Variants in LRRK2 observed in about 807,000 individuals in gnomAD.
LRRK2 encodes leucine rich repeat kinase 2.
Under a neutral mutation model 302.6 loss-of-function variants are expected in LRRK2, and 203 were observed. The observed-to-expected ratio is 0.67, with a 90% CI of 0.60 to 0.75. The LOEUF (loss-of-function observed/expected upper bound fraction) is 0.75. Among genes scored for constraint, LRRK2 ranks in the 30% least tolerant of loss-of-function variants. LRRK2 has a pLI of 0.00. For synonymous variants in LRRK2, 1,066 were observed against 1,031.9 expected (o/e 1.03, Z -0.63); for missense variants, 2,830 against 2,951.0 (o/e 0.96, Z 0.95).
At chr12:40,294,812 A>G in intron 21 of LRRK2, 33 bp from the exon 22 acceptor site, 1 of 1,213,884 alleles carries the variant, frequency 8.2e-7, no homozygotes, top group Non-Finnish European at 1.2e-6. Context: ...CCAATAAATG[A>G]CAGCAATTTT....
At chr12:40,275,530 T>C (rs913011340) in intron 16 of LRRK2, among the ~76,000 whole-genome samples, 2 of 152,332 alleles carry the variant, frequency 1.3e-5, no homozygotes, top group African/African-American at 2.4e-5. Context: ...TTTTGTTTTT[T>C]AATTGTAGCA....
chr12:40,345,029 C>T (rs1946151282), intron 41 of LRRK2, among the ~76,000 whole-genome samples: 1 of 152,126 alleles, frequency 6.6e-6, no homozygotes, highest in Admixed American at 6.5e-5. Flanking sequence ...GACTGCTGAG[C>T]TCCATCTTTT....
At chr12:40,304,156 A>T in intron 27 of LRRK2, 22 bp downstream of exon 27, 1 of 1,603,692 alleles carries the variant, frequency 6.2e-7, no homozygotes, top group Non-Finnish European at 8.5e-7. Flanking sequence ...ATTGCCACTT[A>T]AAAAATATAC....
intron 6 of LRRK2, 72 bp downstream of exon 6, chr12:40,240,689 T>G: frequency 1.4e-6 from 2 of 1,395,176 alleles, no homozygotes; most frequent in Non-Finnish European, 2.0e-6. Context: ...TGAGTATATT[T>G]TAACAATATT....
chr12:40,249,748 A>T, intron 7 of LRRK2, 78 bp from the exon 8 acceptor site: 1 of 1,467,870 alleles, frequency 6.8e-7, no homozygotes, highest in Non-Finnish European at 9.5e-7. Context: ...AAAATTATTG[A>T]TGTAAATAGT....
intron 47 of LRRK2, among the ~76,000 whole-genome samples, chr12:40,362,401 A>G (rs1390578751): frequency 6.6e-6 from 1 of 152,056 alleles, no homozygotes; most frequent in Non-Finnish European, 1.5e-5. Flanking sequence ...TTGTTCATTC[A>G]TACTGTAGTG....
chr12:40,335,506 C>A (rs1164656062), intron 40 of LRRK2, among the ~76,000 whole-genome samples: 1 of 152,116 alleles, frequency 6.6e-6, no homozygotes, highest in Admixed American at 6.5e-5. Context: ...AAAGATGAGT[C>A]CATACTTCTC....
rs1204166575 is a variant in LRRK2 at position 40,225,092 on chromosome 12, T to C, written c.-40T>C. On this transcript the variant is annotated 5_prime_UTR_variant, in exon 1 of 51. Coordinates refer to ENST00000298910, the MANE Select transcript of LRRK2 (RefSeq NM_198578.4). Reference sequence around the variant, plus strand: ...CTGCCGGTTCCCTGAGCAGCGGACGTTCATGCTGGGAGGGCGGCGGGTTGG... The same window carrying C: ...CTGCCGGTTCCCTGAGCAGCGGACGCTCATGCTGGGAGGGCGGCGGGTTGG... The C allele has an allele frequency of 1.2e-6, 2 of 1,611,830 alleles. No homozygotes were observed. Among genetic ancestry groups the C allele is most frequent in the Non-Finnish European group, 1.7e-6 (2 of 1,179,698 alleles).
intron 42 of LRRK2, 52 bp from the exon 43 acceptor site, chr12:40,348,357 T>A (rs1946257581): frequency 8.1e-7 from 1 of 1,237,944 alleles, no homozygotes; most frequent in South Asian, 1.2e-5. Flanking sequence ...AGAGGAAATA[T>A]AACCATTCTT....
chr12:40,334,858 C>A, intron 39 of LRRK2, 109 bp from the exon 40 acceptor site: 1 of 1,216,556 alleles, frequency 8.2e-7, no homozygotes, highest in Non-Finnish European at 1.2e-6. Context: ...TGCTATGATC[C>A]AGTCATACAG....
intron 45 of LRRK2, among the ~76,000 whole-genome samples, chr12:40,355,522 T>TCCCC (rs1946503429): frequency 4.2e-5 from 1 of 23,794 alleles, no homozygotes; most frequent in Non-Finnish European, 1.0e-4. Flanking sequence ...CCTCCCTCCC[T>TCCCC]CCCTCCCTTC....
Position 40,365,190 on chromosome 12 carries a change from G to T in LRRK2, c.7390+140G>T. 3 of 746,572 alleles carry T rather than the reference G, an allele frequency of 4.0e-6. No homozygotes were observed. In the South Asian group the frequency reaches 5.1e-5, roughly 13 times the overall value. The allele number at this position is 746,572 out of a possible 1,614,324, so 46.2% of individuals were successfully genotyped here. ...GGTCACACAGTGAAACATAAGACTG[G>T]TATAAATTGTGAATAGGGTCATTAC... On this transcript the variant is annotated intron_variant, in intron 49 of 50. Coordinates refer to ENST00000298910, the MANE Select transcript of LRRK2 (RefSeq NM_198578.4).
intron 20 of LRRK2, among the ~76,000 whole-genome samples, chr12:40,290,577 A>G (rs977170688): frequency 6.6e-6 from 1 of 152,054 alleles, no homozygotes; most frequent in Non-Finnish European, 1.5e-5. Flanking sequence ...TGATAGATGT[A>G]TGATTATTTT....
chr12:40,344,976 G>A (rs887348196), intron 41 of LRRK2, among the ~76,000 whole-genome samples: 4 of 152,104 alleles, frequency 2.6e-5, no homozygotes, highest in African/African-American at 9.7e-5. Flanking sequence ...CAAATTCGAT[G>A]TCTCCATCCT....
chr12:40,318,611 C>A (rs1456596171), intron 33 of LRRK2, among the ~76,000 whole-genome samples: 1 of 151,918 alleles, frequency 6.6e-6, no homozygotes, highest in East Asian at 1.9e-4. Flanking sequence ...TAGTTTGACT[C>A]CAGGGCCTAT....
intron 10 of LRRK2, 70 bp from the exon 11 acceptor site, chr12:40,252,839 TA>T (rs1326351866): frequency 2.8e-5 from 28 of 982,678 alleles, no homozygotes; most frequent in Middle Eastern, 2.4e-4. Context: ...AGATATTTGA[TA>T]ATGGCAAGTG....
chr12:40,299,921 G>A (rs1944559376), intron 25 of LRRK2, among the ~76,000 whole-genome samples: 1 of 152,088 alleles, frequency 6.6e-6, no homozygotes, highest in Non-Finnish European at 1.5e-5. Flanking sequence ...CCTAAAAATA[G>A]TCTATAATTT....
chr12:40,359,298 A>C lies in LRRK2; in HGVS notation c.6882A>C (p.Gly2294=). The C allele has an allele frequency of 6.2e-7, 1 of 1,612,800 alleles. No individual in the cohort carries two copies. Among genetic ancestry groups the C allele is most frequent in the Non-Finnish European group, 8.5e-7 (1 of 1,179,414 alleles). The change falls in exon 47 of 51, where the codon GGA becomes GGC. Residue 2294 remains glycine (G), a synonymous_variant. Coordinates refer to ENST00000298910, the MANE Select transcript of LRRK2 (RefSeq NM_198578.4). ...CTCCTTTGAAGATACTAAATATAGG[A>C]AATGTCAGTACTCCATTGATGTGTT... ...GAAPLKILNI[G]NVSTPLMCLS...
intron 25 of LRRK2, chr12:40,300,897 T>G (rs1157567240): frequency 2.1e-6 from 1 of 471,132 alleles, no homozygotes; most frequent in South Asian, 1.5e-5. Context: ...GACATTTAAG[T>G]TGGGTCTGGA....
Sources: gnomAD v4.1 joint callset for allele counts (sites outside exome capture counted in the v4.1 genomes callset) on GRCh38, gnomAD v4.1.1 for gene constraint, MANE v1.5 for transcripts, NCBI Gene and HGNC (gene_info 2026-07-23, HGNC 2026-07-21) for gene names.